Variants in PLPPR1 observed in about 807,000 individuals in gnomAD.
PLPPR1 encodes the protein phospholipid phosphatase related 1.
In PLPPR1, 10 loss-of-function variants were observed where a neutral mutation model predicts 33.1. That is an observed-to-expected ratio of 0.30 (90% CI 0.19 to 0.51). The LOEUF is 0.51. Among genes scored for constraint, PLPPR1 ranks in the 20% least tolerant of loss-of-function variants. PLPPR1 has a pLI of 0.97. For synonymous variants in PLPPR1, 151 were observed against 151.0 expected (o/e 1.00, Z 0.00); for missense variants, 304 against 408.1 (o/e 0.74, Z 2.20).
rs146421938 is a variant in PLPPR1 at position 101,079,728 on chromosome 9, C to T, written c.-46+50626C>T. Among the ~76,000 whole-genome samples the T allele has an allele frequency of 9.0e-4, 137 of 152,008 alleles. 2 individuals are homozygous for T. The highest frequency in any genetic ancestry group is 6.4e-3 in the Admixed American group (98 of 15,258). ...CTGAGTAGCTGGGATTACAGGTGTG[C>T]GCCACAACACCTGGCTAATTTTTGT... On this transcript the variant is annotated intron_variant, in intron 1 of 7. Transcript: ENST00000374874.
chr9:101,043,557 C>T (rs533866194), intron 1 of PLPPR1, among the ~76,000 whole-genome samples: 8 of 151,838 alleles, frequency 5.3e-5, no homozygotes, highest in Non-Finnish European at 1.2e-4. Flanking sequence ...ATGGGTATTT[C>T]GGCTGTTTCT....
chr9:101,202,783 C>A (rs1826516846), intron 2 of PLPPR1, among the ~76,000 whole-genome samples: 1 of 152,190 alleles, frequency 6.6e-6, no homozygotes, highest in African/African-American at 2.4e-5. Context: ...GCTGGAATAT[C>A]TGTCATATGG....
intron 2 of PLPPR1, among the ~76,000 whole-genome samples, chr9:101,189,638 G>A (rs554374272): frequency 1.3e-5 from 2 of 152,140 alleles, no homozygotes; most frequent in South Asian, 2.1e-4. Context: ...ATTAAGTCAT[G>A]TTTGTCACTA....
At chr9:101,291,089 G>A (rs964529737) in intron 4 of PLPPR1, among the ~76,000 whole-genome samples, 3 of 152,178 alleles carry the variant, frequency 2.0e-5, no homozygotes, top group African/African-American at 7.2e-5. Context: ...CCCTAATACT[G>A]CGCTTTTCCG....
In PLPPR1 at chr9:101,192,932, T is replaced by C. The variant is rs1826322651; in HGVS notation, c.63+7375T>C. Among the ~76,000 whole-genome samples the C allele has an allele frequency of 2.0e-5, 3 of 152,286 alleles. No individual in the cohort carries two copies. The South Asian group carries it at 6.2e-4, about 32-fold the overall frequency. ...GTTTGCAATATCAGAATGAGGACAA[T>C]ACCAATATTCAAGTATCTATTTTTC... On this transcript the variant is annotated intron_variant, in intron 2 of 7. Coordinates refer to ENST00000374874, the MANE Select transcript of PLPPR1 (RefSeq NM_207299.2).
intron 3 of PLPPR1, among the ~76,000 whole-genome samples, chr9:101,270,986 C>A (rs998113059): frequency 6.6e-6 from 1 of 151,958 alleles, no homozygotes; most frequent in African/African-American, 2.4e-5. Context: ...ATATTCAGTT[C>A]GAATATTAGT....
chr9:101,165,056 A>G (rs1825836735), intron 1 of PLPPR1, among the ~76,000 whole-genome samples: 1 of 152,176 alleles, frequency 6.6e-6, no homozygotes, highest in African/African-American at 2.4e-5. Context: ...GGTAACATTT[A>G]AAGCACCAGG....
chr9:101,172,889 C>G (rs930199585), intron 1 of PLPPR1, among the ~76,000 whole-genome samples: 1 of 152,066 alleles, frequency 6.6e-6, no homozygotes, highest in Non-Finnish European at 1.5e-5. Context: ...GATCATTGCA[C>G]TTTATTGCCT....
At position 101,059,962 on chromosome 9, in the gene PLPPR1, T is replaced by C. The variant is rs146791044; in HGVS notation, c.-46+30860T>C. Among the ~76,000 whole-genome samples the C allele has an allele frequency of 2.4e-3, 367 of 152,186 alleles. 1 individual carries two copies. The highest frequency in any genetic ancestry group is 8.3e-3 in the African/African-American group (344 of 41,560). On this transcript the variant is annotated intron_variant, in intron 1 of 7. Coordinates refer to ENST00000374874, the MANE Select transcript of PLPPR1 (RefSeq NM_207299.2). ...CTACAATATTATCCAGGAATCCCAC[T>C]ACTGGGTATATACCCGAAGGAATTG...
chr9:101,248,906 A>G (rs1827661560), intron 2 of PLPPR1, among the ~76,000 whole-genome samples: 1 of 152,068 alleles, frequency 6.6e-6, no homozygotes, highest in Non-Finnish European at 1.5e-5. Context: ...CCAAAACTCA[A>G]AAAGTGGTCT....
At chr9:101,064,910 A>G (rs1336528908) in intron 1 of PLPPR1, among the ~76,000 whole-genome samples, 1 of 151,986 alleles carries the variant, frequency 6.6e-6, no homozygotes, top group Non-Finnish European at 1.5e-5. Flanking sequence ...ACCCATTCTC[A>G]TGATAATTGA....
intron 3 of PLPPR1, among the ~76,000 whole-genome samples, chr9:101,283,876 A>G (rs546495723): frequency 1.8e-4 from 28 of 152,312 alleles, no homozygotes; most frequent in African/African-American, 6.3e-4. Flanking sequence ...TATATGAAAA[A>G]AAATGCTCAG....
intron 3 of PLPPR1, among the ~76,000 whole-genome samples, chr9:101,272,230 A>G (rs1417171006): frequency 2.0e-5 from 3 of 152,182 alleles, no homozygotes; most frequent in East Asian, 1.9e-4. Context: ...AATTTTAAAC[A>G]TGCCAAAATA....
At chr9:101,053,509 C>T (rs1830247726) in intron 1 of PLPPR1, among the ~76,000 whole-genome samples, 1 of 152,106 alleles carries the variant, frequency 6.6e-6, no homozygotes, top group Non-Finnish European at 1.5e-5. Flanking sequence ...ATTTTATGTC[C>T]TCTGTGGAAT....
intron 1 of PLPPR1, among the ~76,000 whole-genome samples, chr9:101,089,281 G>C (rs965284441): frequency 1.4e-5 from 2 of 148,124 alleles, no homozygotes; most frequent in Non-Finnish European, 3.0e-5. Context: ...AAGTAATAAA[G>C]CTAGAATATA....
intron 1 of PLPPR1, among the ~76,000 whole-genome samples, chr9:101,167,141 G>GGGGTGTGTGTGTGTGTGT (rs1297322438): frequency 9.1e-4 from 36 of 39,742 alleles, no homozygotes; most frequent in East Asian, 2.2e-3. Context: ...TATGTCTCTC[G>GGGGTGTGTGTGTGTGTGT]GTGTGTGTGT....
At chr9:101,196,081 T>C (rs1319305723) in intron 2 of PLPPR1, among the ~76,000 whole-genome samples, 2 of 152,236 alleles carry the variant, frequency 1.3e-5, no homozygotes, top group Non-Finnish European at 2.9e-5. Context: ...GTCACTGAAT[T>C]AATCCCTCTT....
At chr9:101,206,258 G>T (rs887410690) in intron 2 of PLPPR1, among the ~76,000 whole-genome samples, 1 of 152,000 alleles carries the variant, frequency 6.6e-6, no homozygotes, top group Non-Finnish European at 1.5e-5. Context: ...TCATACTCAG[G>T]ACAGGAAGAT....
chr9:101,176,298 G>A (rs1398784171), intron 1 of PLPPR1, among the ~76,000 whole-genome samples: 2 of 152,094 alleles, frequency 1.3e-5, no homozygotes, highest in African/African-American at 4.8e-5. Context: ...ACTCTTGCTG[G>A]GTTCAGGACA....
Sources: allele counts gnomAD v4.1 joint callset (sites outside exome capture counted in the v4.1 genomes callset), GRCh38; gene constraint gnomAD v4.1.1; transcripts MANE v1.5; gene names NCBI Gene and HGNC (gene_info 2026-07-23, HGNC 2026-07-21).